The following WNK2 variants were observed in gnomAD, a reference collection of about 807,000 sequenced individuals.
The protein encoded by WNK2 is serine/threonine-protein kinase WNK2.
A neutral mutation model predicts 192.1 loss-of-function variants in WNK2; 67 were observed. The ratio of observed to expected loss-of-function variants is 0.35; its 90% CI spans 0.29 to 0.43. The LOEUF is 0.43. Ranked by LOEUF, WNK2 falls within the 20% of genes least tolerant of loss-of-function variation. The pLI, the probability that WNK2 is intolerant of heterozygous loss-of-function variation, is 1.00. For synonymous variants in WNK2, 1,439 were observed against 1,393.9 expected, an observed-to-expected ratio of 1.03 and a Z score of -0.72; for missense variants, 2,698 against 3,089.7, an observed-to-expected ratio of 0.87 and a Z score of 3.01.
intron 7 of WNK2, among the ~76,000 whole-genome samples, chr9:93,240,792 T>G (rs958716060): frequency 6.6e-6 from 1 of 152,164 alleles, no homozygotes; most frequent in African/African-American, 2.4e-5. Context: ...GTCTGTGCCA[T>G]CCAGTAAAAT....
intron 2 of WNK2, among the ~76,000 whole-genome samples, chr9:93,219,359 T>C (rs1482619990): frequency 6.6e-6 from 1 of 152,190 alleles, no homozygotes; most frequent in Non-Finnish European, 1.5e-5. Flanking sequence ...GCTCCTCTCT[T>C]TCAAAAAGTG....
intron 29 of WNK2, 111 bp from the exon 30 acceptor site, chr9:93,320,256 C>A: frequency 8.1e-7 from 1 of 1,229,770 alleles, no homozygotes; most frequent in African/African-American, 1.5e-5. Context: ...CATGGCAGAG[C>A]TGGCGCAGCC....
At chr9:93,230,760 G>A in intron 3 of WNK2, 128 bp from the exon 4 acceptor site, 1 of 869,968 alleles carries the variant, frequency 1.1e-6, no homozygotes. Context: ...TTCACTACCT[G>A]TCACGGGTAT....
At chr9:93,306,847 T>C (rs754421528) in intron 27 of WNK2, 26 bp downstream of exon 27, 3 of 1,614,066 alleles carry the variant, frequency 1.9e-6, no homozygotes, top group East Asian at 2.2e-5. Context: ...TTTTCCCCTT[T>C]GTCCTCTCTC....
chr9:93,208,010 C>T (rs1298296138), intron 2 of WNK2, among the ~76,000 whole-genome samples: 1 of 152,194 alleles, frequency 6.6e-6, no homozygotes, highest in East Asian at 1.9e-4. Context: ...TGTGACTGCC[C>T]TGAGGACCTT....
chr9:93,200,416 G>C (rs1362210871), intron 2 of WNK2, among the ~76,000 whole-genome samples: 1 of 152,342 alleles, frequency 6.6e-6, no homozygotes, highest in Non-Finnish European at 1.5e-5. Context: ...GTTCCCTCAA[G>C]AGCCAGCGGT....
Position 93,185,089 on chromosome 9 carries a change from C to A in WNK2, c.160C>A (p.Pro54Thr). Residue 54 changes from proline to threonine, a missense_variant, in exon 2 of 30, where the codon CCG (proline) becomes ACG (threonine). Coordinates refer to ENST00000427277, the MANE Select transcript of WNK2 (RefSeq NM_006648.4). Reference sequence around the variant, plus strand: ...CGTGGTAGAGTCGGACCAGGAGGAGCCGCCGGGCTTGGAGGCAGCCGAGGC... The same window carrying A: ...CGTGGTAGAGTCGGACCAGGAGGAGACGCCGGGCTTGGAGGCAGCCGAGGC... ...RSVVESDQEEPPGLEAAEAPG... is the reference protein window; with the variant it reads ...RSVVESDQEETPGLEAAEAPG... The A allele has an allele frequency of 7.6e-7, 1 of 1,315,330 alleles. No individual in the cohort carries two copies. Among genetic ancestry groups the A allele is most frequent in the Non-Finnish European group, 9.7e-7 (1 of 1,028,902 alleles). 81.5% of individuals were successfully genotyped at this position (1,315,330 alleles called of 1,614,324 possible). A position where few individuals can be genotyped will look rare whatever the true frequency, so the allele number is the denominator to read the frequency against.
intron 16 of WNK2, 121 bp from the exon 17 acceptor site, chr9:93,267,625 C>A: frequency 8.4e-7 from 1 of 1,193,346 alleles, no homozygotes; most frequent in Non-Finnish European, 1.2e-6. Flanking sequence ...TTGGGGACTG[C>A]ACCCTTTCAC....
At chr9:93,314,046 G>A (rs1452542224) in intron 28 of WNK2, among the ~76,000 whole-genome samples, 1 of 151,776 alleles carries the variant, frequency 6.6e-6, no homozygotes, top group African/African-American at 2.4e-5. Context: ...TGAGGCGGGT[G>A]GATCACCTGA....
At chr9:93,249,361 G>C (rs1842212204) in intron 8 of WNK2, among the ~76,000 whole-genome samples, 1 of 152,232 alleles carries the variant, frequency 6.6e-6, no homozygotes, top group Admixed American at 6.5e-5. Flanking sequence ...TCGACTGACT[G>C]ATGATTGCAA....
chr9:93,220,113 TC>T (rs1473436620), intron 2 of WNK2, among the ~76,000 whole-genome samples: 3 of 152,172 alleles, frequency 2.0e-5, no homozygotes, highest in Non-Finnish European at 4.4e-5. Flanking sequence ...GTCTGCTTGA[TC>T]TGCAGTGGGC....
At chr9:93,318,426 G>C (rs1011810696) in intron 29 of WNK2, 1 of 1,614,004 alleles carries the variant, frequency 6.2e-7, no homozygotes, top group Non-Finnish European at 8.5e-7. Context: ...ACGGCGGGAC[G>C]CTGGGGCAGG....
intron 8 of WNK2, among the ~76,000 whole-genome samples, chr9:93,249,483 G>GC (rs1554710291): frequency 2.6e-5 from 4 of 151,850 alleles, no homozygotes; most frequent in African/African-American, 4.8e-5. Flanking sequence ...TTTTTTTGTT[G>GC]TTTTTTTTGA....
intron 28 of WNK2, chr9:93,309,094 G>A (rs1370005646): frequency 7.1e-6 from 7 of 987,470 alleles, no homozygotes; most frequent in African/African-American, 3.5e-5. Context: ...ATGTCAGCGC[G>A]AGTTGGAGAA....
intron 4 of WNK2, among the ~76,000 whole-genome samples, chr9:93,231,508 T>C (rs1838795970): frequency 1.3e-5 from 2 of 152,170 alleles, no homozygotes; most frequent in South Asian, 4.1e-4. Flanking sequence ...CTGTGGGCAC[T>C]CGGGAGAGGG....
chr9:93,312,156 A>G (rs1330376027), intron 28 of WNK2, among the ~76,000 whole-genome samples: 1 of 152,176 alleles, frequency 6.6e-6, no homozygotes, highest in Non-Finnish European at 1.5e-5. Context: ...CATAATCCAG[A>G]TATTAATCCC....
chr9:93,268,776 C>A, intron 19 of WNK2, 30 bp downstream of exon 19: 2 of 1,600,506 alleles, frequency 1.2e-6, no homozygotes, highest in Non-Finnish European at 1.7e-6. Flanking sequence ...ACACAAGCCC[C>A]TCCCTGTTTC....
chr9:93,193,953 C>T (rs1001248216), intron 2 of WNK2, among the ~76,000 whole-genome samples: 2 of 152,206 alleles, frequency 1.3e-5, no homozygotes, highest in Admixed American at 6.5e-5. Flanking sequence ...AATAGACCCT[C>T]ATGAATAAAG....
intron 19 of WNK2, among the ~76,000 whole-genome samples, chr9:93,287,051 G>C (rs1848546123): frequency 1.3e-5 from 2 of 152,228 alleles, no homozygotes; most frequent in Non-Finnish European, 2.9e-5. Context: ...TAAAGTTTCA[G>C]TTATATAAGC....
Sources: allele counts gnomAD v4.1 joint callset (sites outside exome capture counted in the v4.1 genomes callset), GRCh38; gene constraint gnomAD v4.1.1; transcripts MANE v1.5; gene names NCBI Gene and HGNC (gene_info 2026-07-23, HGNC 2026-07-21).